NTRK2: variants seen among roughly 807,000 people sequenced by gnomAD.
NTRK2 encodes BDNF/NT-3 growth factors receptor.
A neutral mutation model predicts 94.5 loss-of-function variants in NTRK2; 13 were observed. The observed-to-expected ratio is 0.14, with a 90% CI of 0.09 to 0.22. NTRK2 has a LOEUF of 0.22. Among genes scored for constraint, NTRK2 ranks in the 10% least tolerant of loss-of-function variants. The probability of loss-of-function intolerance (pLI) is 1.00; values close to 1 mark genes in which losing one functional copy is unlikely to be tolerated. For missense variants in NTRK2, 639 were observed against 1,071.2 expected, an observed-to-expected ratio of 0.60 and a Z score of 5.63; for synonymous variants, 372 against 407.4, an observed-to-expected ratio of 0.91 and a Z score of 1.05.
intron 9 of NTRK2, among the ~76,000 whole-genome samples, chr9:84,736,517 C>T (rs1409277966): frequency 6.6e-6 from 1 of 152,140 alleles, no homozygotes; most frequent in Non-Finnish European, 1.5e-5. Flanking sequence ...TTAAATAAAG[C>T]TCTCCTGGCT....
At chr9:84,747,963 T>TTA (rs909311999) in intron 11 of NTRK2, among the ~76,000 whole-genome samples, 1 of 152,174 alleles carries the variant, frequency 6.6e-6, no homozygotes, top group Non-Finnish European at 1.5e-5. Flanking sequence ...TTCAGATATT[T>TTA]TATATATAAA....
At chr9:84,787,408 T>G (rs1031686583) in intron 12 of NTRK2, among the ~76,000 whole-genome samples, 13 of 152,144 alleles carry the variant, frequency 8.5e-5, no homozygotes, top group Non-Finnish European at 1.9e-4. Context: ...CTCAGTAGAC[T>G]CTAGACCCGG....
intron 12 of NTRK2, among the ~76,000 whole-genome samples, chr9:84,802,746 C>T (rs1489529155): frequency 2.0e-5 from 3 of 152,180 alleles, no homozygotes; most frequent in Non-Finnish European, 4.4e-5. Context: ...AGAGTAAGCT[C>T]TCTGTTTTAA....
intron 4 of NTRK2, 56 bp downstream of exon 4, chr9:84,702,475 C>A (rs1018558733): frequency 4.9e-6 from 7 of 1,428,726 alleles, no homozygotes; most frequent in African/African-American, 1.4e-5. Context: ...AATATTTCCC[C>A]CCTCTGTTTA....
chr9:85,010,556 C>T (rs1295464009), intron 17 of NTRK2, among the ~76,000 whole-genome samples: 1 of 152,220 alleles, frequency 6.6e-6, no homozygotes, highest in Non-Finnish European at 1.5e-5. Flanking sequence ...AATAACCTCA[C>T]ACCAGGCAGC....
intron 12 of NTRK2, among the ~76,000 whole-genome samples, chr9:84,838,882 G>A (rs1460785182): frequency 6.6e-6 from 1 of 150,936 alleles, no homozygotes; most frequent in African/African-American, 2.4e-5. Flanking sequence ...TTGAAATTCT[G>A]TACAGAAGCC....
At chr9:84,818,584 C>A (rs1191809042) in intron 12 of NTRK2, among the ~76,000 whole-genome samples, 2 of 152,236 alleles carry the variant, frequency 1.3e-5, no homozygotes, top group African/African-American at 4.8e-5. Flanking sequence ...AGAGAAGTTG[C>A]ATCAAGTCTG....
At chr9:84,682,560 G>A (rs565991431) in intron 2 of NTRK2, among the ~76,000 whole-genome samples, 1 of 152,142 alleles carries the variant, frequency 6.6e-6, no homozygotes, top group South Asian at 2.1e-4. Flanking sequence ...CTCTCTTAGG[G>A]CTCTGTCTAC....
At chr9:84,798,041 G>A (rs573555674) in intron 12 of NTRK2, among the ~76,000 whole-genome samples, 1 of 150,264 alleles carries the variant, frequency 6.7e-6, no homozygotes, top group South Asian at 2.1e-4. Context: ...CACAGACTGG[G>A]TGGTTGATAA....
At chr9:84,818,899 A>G (rs2072601150) in intron 12 of NTRK2, among the ~76,000 whole-genome samples, 1 of 152,180 alleles carries the variant, frequency 6.6e-6, no homozygotes. Context: ...TCGAACACCC[A>G]CAGGCAGAGC....
intron 12 of NTRK2, among the ~76,000 whole-genome samples, chr9:84,763,211 C>T (rs1012424176): frequency 8.6e-5 from 13 of 151,898 alleles, no homozygotes; most frequent in African/African-American, 2.2e-4. Flanking sequence ...CAACTTCTCT[C>T]GTCTTCCAAG....
chr9:84,949,971 G>A (rs957954784), intron 16 of NTRK2, among the ~76,000 whole-genome samples: 3 of 152,194 alleles, frequency 2.0e-5, no homozygotes, highest in African/African-American at 4.8e-5. Context: ...ACCATGCTGC[G>A]TGATGATACC....
chr9:84,945,321 C>G (rs1434210103), intron 15 of NTRK2, among the ~76,000 whole-genome samples: 1 of 152,126 alleles, frequency 6.6e-6, no homozygotes, highest in Non-Finnish European at 1.5e-5. Flanking sequence ...CTGGATCAGG[C>G]AGCAGGTGAT....
intron 17 of NTRK2, among the ~76,000 whole-genome samples, chr9:84,998,010 T>C (rs780401506): frequency 6.6e-6 from 1 of 152,186 alleles, no homozygotes; most frequent in Non-Finnish European, 1.5e-5. Context: ...CTGCCTTACA[T>C]ACCTCTCACC....
chr9:84,978,502 G>A (rs1440224959), intron 17 of NTRK2, among the ~76,000 whole-genome samples: 1 of 152,230 alleles, frequency 6.6e-6, no homozygotes, highest in African/African-American at 2.4e-5. Flanking sequence ...GAAGCTAGCA[G>A]TGATTGGTTT....
rs770346741 is a variant in NTRK2, at chr9:84,723,625, G to A, written c.636G>A (p.Lys212=). ...CTAACCTCACTGTGGAGGAAGGAAA[G>A]TCTATCACATTATCCTGTAGTGTGG... ...AAPNLTVEEG[K]SITLSCSVAG... Residue 212 remains lysine, a synonymous_variant, in exon 7 of 19, where the codon AAG becomes AAA. Transcript: ENST00000277120. 5.0e-6 allele frequency: 8 copies of A among 1,614,146 alleles called. No homozygotes were observed. In the South Asian group the frequency reaches 7.7e-5, roughly 16 times the overall value.
chr9:84,937,236 A>G (rs1220145117), intron 15 of NTRK2, among the ~76,000 whole-genome samples: 1 of 152,192 alleles, frequency 6.6e-6, no homozygotes, highest in Non-Finnish European at 1.5e-5. Context: ...CTATGGAGTG[A>G]CTGCCGGGCT....
intron 8 of NTRK2, among the ~76,000 whole-genome samples, chr9:84,726,774 C>T (rs1300645967): frequency 1.3e-5 from 2 of 152,178 alleles, no homozygotes; most frequent in Non-Finnish European, 2.9e-5. Flanking sequence ...GCTATTAGAT[C>T]TCAAAGGTCT....
chr9:84,712,639 C>A (rs1413152412), intron 6 of NTRK2, among the ~76,000 whole-genome samples: 1 of 152,084 alleles, frequency 6.6e-6, no homozygotes, highest in East Asian at 1.9e-4. Context: ...TTTGTTCTTT[C>A]CCTTTTAATT....
Sources: allele counts gnomAD v4.1 joint callset (sites outside exome capture counted in the v4.1 genomes callset), GRCh38; gene constraint gnomAD v4.1.1; transcripts MANE v1.5; gene names NCBI Gene and HGNC (gene_info 2026-07-23, HGNC 2026-07-21).